The following MINDY3 variants were observed in gnomAD, a reference collection of about 807,000 sequenced individuals.
The protein encoded by MINDY3 is ubiquitin carboxyl-terminal hydrolase MINDY-3.
In MINDY3, 38 loss-of-function variants were observed where a neutral mutation model predicts 69.2. That is an observed-to-expected ratio of 0.55 (90% confidence interval 0.42 to 0.72). The LOEUF (loss-of-function observed/expected upper bound fraction) is 0.72, where lower values mean the gene tolerates loss of function less well. Among genes scored for constraint, MINDY3 ranks in the 30% least tolerant of loss-of-function variants. The probability of loss-of-function intolerance (pLI) is 0.00; values close to 1 mark genes in which losing one functional copy is unlikely to be tolerated. For synonymous variants in MINDY3, 192 were observed against 180.1 expected (o/e 1.07, Z -0.53); for missense variants, 522 against 519.0 (o/e 1.01, Z -0.06).
At chr10:15,815,592 A>ACGTT (rs1316297703) in intron 10 of MINDY3, among the ~76,000 whole-genome samples, 5 of 152,204 alleles carry the variant, frequency 3.3e-5, no homozygotes, top group Non-Finnish European at 7.3e-5. Context: ...GTATCTTCCT[A>ACGTT]CGAACATTCA....
At chr10:15,801,182 G>C (rs547784774) in intron 10 of MINDY3, among the ~76,000 whole-genome samples, 19 of 152,174 alleles carry the variant, frequency 1.2e-4, no homozygotes, top group African/African-American at 4.3e-4. Flanking sequence ...TTCCGGCATG[G>C]GGGGGAAATG....
At chr10:15,852,448 A>G (rs947338805) in intron 1 of MINDY3, among the ~76,000 whole-genome samples, 4 of 152,182 alleles carry the variant, frequency 2.6e-5, no homozygotes, top group African/African-American at 4.8e-5. Context: ...TGTCAGTTAA[A>G]GTGAATGAGA....
intron 11 of MINDY3, among the ~76,000 whole-genome samples, chr10:15,794,542 A>G (rs1197249480): frequency 6.6e-6 from 1 of 152,104 alleles, no homozygotes; most frequent in Non-Finnish European, 1.5e-5. Flanking sequence ...AGTCATGATA[A>G]GCTGTCACAT....
intron 4 of MINDY3, among the ~76,000 whole-genome samples, chr10:15,841,089 T>C (rs190305351): frequency 5.3e-5 from 8 of 151,568 alleles, no homozygotes; most frequent in Non-Finnish European, 8.9e-5. Flanking sequence ...GTTTTTGCAA[T>C]ACCAAAGCAA....
chr10:15,859,154 A>G (rs1256478501), intron 1 of MINDY3, among the ~76,000 whole-genome samples: 1 of 152,200 alleles, frequency 6.6e-6, no homozygotes, highest in African/African-American at 2.4e-5. Flanking sequence ...TCGTAATTGT[A>G]ATTTTACCAG....
At chr10:15,800,057 G>A (rs1166503220) in intron 10 of MINDY3, among the ~76,000 whole-genome samples, 1 of 151,982 alleles carries the variant, frequency 6.6e-6, no homozygotes, top group Non-Finnish European at 1.5e-5. Flanking sequence ...ACTTATATGT[G>A]AATTTTTTCT....
At chr10:15,789,179 G>T (rs1483391641) in intron 12 of MINDY3, 68 bp downstream of exon 12, 23 of 1,300,652 alleles carry the variant, frequency 1.8e-5, no homozygotes, top group Non-Finnish European at 2.5e-5. Flanking sequence ...GGCAAAAAAT[G>T]TACAATATGT....
chr10:15,852,263 A>G, intron 1 of MINDY3, among the ~76,000 whole-genome samples: 1 of 152,056 alleles, frequency 6.6e-6, no homozygotes, highest in East Asian at 1.9e-4. Context: ...TGCTCAATTA[A>G]TGCTTGTTGA....
intron 1 of MINDY3, among the ~76,000 whole-genome samples, chr10:15,850,456 A>T (rs1182697364): frequency 6.6e-6 from 1 of 152,202 alleles, no homozygotes; most frequent in African/African-American, 2.4e-5. Context: ...TTTCTCAGCA[A>T]GGAACAGCCC....
intron 9 of MINDY3, among the ~76,000 whole-genome samples, chr10:15,818,992 T>C (rs970669743): frequency 1.3e-5 from 2 of 152,210 alleles, no homozygotes; most frequent in African/African-American, 2.4e-5. Flanking sequence ...ATGTGAGTTA[T>C]AAATCTATCT....
chr10:15,824,463 T>C (rs1186586579), intron 8 of MINDY3, among the ~76,000 whole-genome samples: 3 of 152,170 alleles, frequency 2.0e-5, no homozygotes, highest in East Asian at 1.9e-4. Context: ...CATTGATTAT[T>C]TGCTTTGGGA....
chr10:15,801,456 G>A (rs1838255214), intron 10 of MINDY3, among the ~76,000 whole-genome samples: 1 of 152,054 alleles, frequency 6.6e-6, no homozygotes, highest in Non-Finnish European at 1.5e-5. Flanking sequence ...CTAGTACCCT[G>A]CCAGTAAGAG....
intron 8 of MINDY3, among the ~76,000 whole-genome samples, chr10:15,832,476 C>CATAAAA (rs1481075644): frequency 6.6e-6 from 1 of 151,984 alleles, no homozygotes; most frequent in Non-Finnish European, 1.5e-5. Flanking sequence ...GGATTAAATG[C>CATAAAA]TTTCAGCTAT....
At chr10:15,831,869 T>A (rs568091556) in intron 8 of MINDY3, among the ~76,000 whole-genome samples, 8 of 152,164 alleles carry the variant, frequency 5.3e-5, no homozygotes, top group African/African-American at 1.9e-4. Flanking sequence ...AGAGACGGGG[T>A]TTCACTGTGT....
At chr10:15,834,522 C>T (rs767641295) in intron 7 of MINDY3, 21 bp downstream of exon 7, 1 of 1,561,150 alleles carries the variant, frequency 6.4e-7, no homozygotes, top group South Asian at 1.1e-5. Flanking sequence ...CATGAGGAGA[C>T]AAGAGATTTT....
At chr10:15,790,743 T>C (rs763627311) in intron 11 of MINDY3, among the ~76,000 whole-genome samples, 78 of 152,128 alleles carry the variant, frequency 5.1e-4, no homozygotes, top group Non-Finnish European at 1.9e-4. Flanking sequence ...TGCAAATATA[T>C]AATGGCTGAA....
At chr10:15,791,959 T>TG (rs1837455866) in intron 11 of MINDY3, among the ~76,000 whole-genome samples, 1 of 152,098 alleles carries the variant, frequency 6.6e-6, no homozygotes, top group Non-Finnish European at 1.5e-5. Flanking sequence ...AGCCAAATGT[T>TG]GGATACTCAA....
chr10:15,834,492 T>C, intron 7 of MINDY3, 51 bp downstream of exon 7: 1 of 1,309,052 alleles, frequency 7.6e-7, no homozygotes, highest in Non-Finnish European at 1.1e-6. Flanking sequence ...TGAAGTCAAG[T>C]TTCTAAAAAC....
At chr10:15,801,819 A>G (rs1023457976) in intron 10 of MINDY3, among the ~76,000 whole-genome samples, 1 of 152,016 alleles carries the variant, frequency 6.6e-6, no homozygotes, top group Non-Finnish European at 1.5e-5. Context: ...GCATGAGTTC[A>G]TAGGATTTAC....
Sources: gnomAD v4.1 joint callset for allele counts (sites outside exome capture counted in the v4.1 genomes callset) on GRCh38, gnomAD v4.1.1 for gene constraint, MANE v1.5 for transcripts, NCBI Gene and HGNC (gene_info 2026-07-23, HGNC 2026-07-21) for gene names.